Variants in SEC14L3 observed in about 807,000 individuals in gnomAD.
SEC14L3 encodes the protein SEC14-like protein 3.
Under a neutral mutation model 57.4 loss-of-function variants are expected in SEC14L3, and 56 were observed. The observed-to-expected ratio is 0.97, with a 90% CI of 0.79 to 1.22. The LOEUF (loss-of-function observed/expected upper bound fraction) is 1.22. Ranked by LOEUF, SEC14L3 falls within the 50% of genes most tolerant of loss-of-function variation. The probability of loss-of-function intolerance (pLI) is 0.00; values close to 1 mark genes in which losing one functional copy is unlikely to be tolerated. For synonymous variants in SEC14L3, 173 were observed against 194.4 expected (o/e 0.89, Z 0.92); for missense variants, 485 against 511.7 (o/e 0.95, Z 0.50).
exon 13 of SEC14L3, chr22:30,448,044 G>A (rs1327031463): frequency 1.3e-5 from 2 of 151,808 alleles, no homozygotes; most frequent in Non-Finnish European, 2.9e-5. Context: ...CCTTGGGAGA[G>A]GGGGTGGTGG....
intron 4 of SEC14L3, 70 bp downstream of exon 4, chr22:30,469,949 A>C (rs1300166616): frequency 5.7e-6 from 7 of 1,237,872 alleles, no homozygotes; most frequent in Non-Finnish European, 7.9e-6. Flanking sequence ...GCTGCCCCTC[A>C]TTCATGGTCC....
At chr22:30,454,543 T>A (rs112583160), downstream of SEC14L3, among the ~76,000 whole-genome samples, 2 of 116,402 alleles carry the variant, frequency 1.7e-5, no homozygotes, top group South Asian at 4.9e-4. Context: ...TATAATAATA[T>A]TATATATAAT....
chr22:30,449,035 C>T, exon 13 of SEC14L3: 2 of 1,520,378 alleles, frequency 1.3e-6, no homozygotes, highest in Non-Finnish European at 1.8e-6. Context: ...CTGGAGACCA[C>T]GTAGGGGGTG....
downstream of SEC14L3, among the ~76,000 whole-genome samples, chr22:30,455,232 A>T (rs746008226): frequency 2.7e-3 from 333 of 124,374 alleles, 1 homozygote; most frequent in South Asian, 5.5e-3. Context: ...TATAATATAT[A>T]ATATTTAATA....
At position 30,464,732 on chromosome 22, in the gene SEC14L3, A is replaced by G. The variant is rs747153263; in HGVS notation, c.664+88T>C. On this transcript the variant is annotated intron_variant, in intron 8 of 11. Transcript: ENST00000215812. ...ATTCGTGAGCCACTGCACCCAACCT[A>G]ATGTGTGGAGTTCTAGATGGGGTAA... is the stretch of plus-strand genomic sequence containing the variant. 50 of 1,208,946 alleles carry G rather than the reference A, an allele frequency of 4.1e-5. No homozygotes were observed. In the Middle Eastern group the frequency reaches 9.5e-4, roughly 23 times the overall value. The allele number at this position is 1,208,946 out of a possible 1,614,324, so 74.9% of individuals were successfully genotyped here.
At chr22:30,449,417 T>C (rs1934937128) in intron 12 of SEC14L3, among the ~76,000 whole-genome samples, 1 of 152,112 alleles carries the variant, frequency 6.6e-6, no homozygotes, top group Non-Finnish European at 1.5e-5. Context: ...ATCAAGTACT[T>C]TTTCATGCAT....
intron 11 of SEC14L3, 149 bp from the exon 12 acceptor site, chr22:30,460,291 T>C (rs1935213173): frequency 6.8e-7 from 1 of 1,468,906 alleles, no homozygotes; most frequent in South Asian, 1.4e-5. Flanking sequence ...CCCTTCCCCA[T>C]GGGAACTGCC....
At chr22:30,466,475 A>T in intron 6 of SEC14L3, 81 bp from the exon 7 acceptor site, 2 of 1,603,286 alleles carry the variant, frequency 1.2e-6, no homozygotes, top group Non-Finnish European at 1.7e-6. Context: ...TCCTGTTGGG[A>T]GGTTTCAGAT....
chr22:30,471,860 C>A, intron 1 of SEC14L3, 45 bp downstream of exon 1: 1 of 1,613,020 alleles, frequency 6.2e-7, no homozygotes, highest in East Asian at 2.2e-5. Flanking sequence ...ACCCCCCAGC[C>A]CCTTTCCCCT....
At chr22:30,452,040 A>AT (rs1186036845) in intron 12 of SEC14L3, among the ~76,000 whole-genome samples, 5 of 150,438 alleles carry the variant, frequency 3.3e-5, no homozygotes, top group Non-Finnish European at 7.4e-5. Flanking sequence ...AAGAAAAGAA[A>AT]GAAGAAAGGA....
chr22:30,458,493 A>G (rs1935157902), downstream of SEC14L3, among the ~76,000 whole-genome samples: 2 of 152,204 alleles, frequency 1.3e-5, no homozygotes, highest in African/African-American at 4.8e-5. Flanking sequence ...TCTAGAACAA[A>G]TAAATCATGC....
At chr22:30,470,330 G>A in intron 2 of SEC14L3, 75 bp from the exon 3 acceptor site, 1 of 1,593,280 alleles carries the variant, frequency 6.3e-7, no homozygotes, top group Non-Finnish European at 8.6e-7. Context: ...GAGCTATGGA[G>A]GACACTGGGG....
downstream of SEC14L3, among the ~76,000 whole-genome samples, chr22:30,455,236 T>TA (rs1288841826): frequency 2.9e-3 from 369 of 126,780 alleles, 6 homozygotes; most frequent in Middle Eastern, 7.4e-3. Flanking sequence ...ATATATAATA[T>TA]TTAATATATT....
At position 30,468,539 on chromosome 22, in the gene SEC14L3, A is replaced by T; in HGVS notation, c.392T>A (p.Ile131Asn). ...LKTKMRDCERILHECDLQTER... is the reference protein window; with the variant it reads ...LKTKMRDCERNLHECDLQTER... ...TGTCTGCAGGTCACACTCATGCAGG[A>T]TGCGCTCACAGTCCCTCATCTTGGT... The change falls in exon 5 of 12, where the codon ATC (isoleucine) becomes AAC (asparagine). Residue 131 changes from isoleucine (I) to asparagine (N), a missense_variant. Ile to Asn is a moderately radical substitution (Grantham distance 149). Transcript: ENST00000215812. 6.2e-7 allele frequency: 1 copy of T among 1,613,700 alleles called. No homozygotes were observed. Among genetic ancestry groups the T allele is most frequent in the Non-Finnish European group, 8.5e-7 (1 of 1,179,960 alleles).
exon 13 of SEC14L3, chr22:30,449,098 C>A (rs1185666719): frequency 6.4e-7 from 1 of 1,550,492 alleles, no homozygotes; most frequent in African/African-American, 1.4e-5. Context: ...TAGTTACTGG[C>A]AGGGAGGGGT....
intron 3 of SEC14L3, 25 bp from the exon 4 acceptor site, chr22:30,470,103 TCCCA>T (rs1569232452): frequency 1.9e-6 from 3 of 1,607,690 alleles, no homozygotes; most frequent in Non-Finnish European, 2.6e-6. Flanking sequence ...AGTGGTAAGA[TCCCA>T]CTGGGCTCCC....
At position 30,459,479 on chromosome 22, in the gene SEC14L3, A is replaced by T. The variant is rs910917681; in HGVS notation, c.*542T>A. ...GTCTGGGTCTCCAGAAGAGAGTCCA[A>T]CCCCACCACACATCTGCTCCTGTCC... is the stretch of plus-strand genomic sequence containing the variant. On this transcript the variant is annotated 3_prime_UTR_variant, in exon 12 of 12. Transcript: ENST00000215812. The T allele has an allele frequency of 3.0e-6, 3 of 985,348 alleles. No homozygotes were observed. The South Asian group carries it at 1.4e-4, about 46-fold the overall frequency. 61.0% of individuals were successfully genotyped at this position (985,348 alleles called of 1,614,324 possible).
At chr22:30,457,858 G>A (rs1057158093), downstream of SEC14L3, among the ~76,000 whole-genome samples, 5 of 152,142 alleles carry the variant, frequency 3.3e-5, no homozygotes, top group South Asian at 6.2e-4. Flanking sequence ...AAGAGGTGAC[G>A]GGGTAAGGGG....
chr22:30,461,327 C>T lies in SEC14L3; in HGVS notation c.1064G>A (p.Cys355Tyr). Residue 355 changes from cysteine (C) to tyrosine (Y), a missense_variant, in exon 11 of 12, where the codon TGC becomes TAC. By Grantham distance (194) the Cys-to-Tyr change is radical. Coordinates refer to ENST00000215812, the MANE Select transcript of SEC14L3 (RefSeq NM_174975.5). ...AGACTTACAGACGCCGGCCTCTGAG[C>T]AGGTGAGGTTCCCATCCTCGGGCAC... ...HMVPEDGNLT[C>Y]SEAGVYVLRF... The T allele has an allele frequency of 6.2e-7, 1 of 1,601,488 alleles. No homozygotes were observed. Among genetic ancestry groups the T allele is most frequent in the South Asian group, 1.1e-5 (1 of 88,710 alleles).
Sources: gnomAD v4.1 joint callset for allele counts (sites outside exome capture counted in the v4.1 genomes callset) on GRCh38, gnomAD v4.1.1 for gene constraint, MANE v1.5 for transcripts, NCBI Gene and HGNC (gene_info 2026-07-23, HGNC 2026-07-21) for gene names.